The following KLC1 variants were observed in gnomAD, a reference collection of about 807,000 sequenced individuals.
KLC1 encodes the protein kinesin light chain 1.
A neutral mutation model predicts 84.2 loss-of-function variants in KLC1; 30 were observed. The ratio of observed to expected loss-of-function variants is 0.36; its 90% CI spans 0.27 to 0.48. The LOEUF is 0.48. KLC1 is among the 20% of genes least tolerant of loss of function. The probability of loss-of-function intolerance (pLI) is 0.99; values close to 1 mark genes in which losing one functional copy is unlikely to be tolerated. For missense variants in KLC1, 499 were observed against 805.4 expected, an observed-to-expected ratio of 0.62 and a Z score of 4.60; for synonymous variants, 289 against 293.3, an observed-to-expected ratio of 0.99 and a Z score of 0.15.
chr14:103,636,672 T>C (rs2077066914), intron 1 of KLC1, among the ~76,000 whole-genome samples: 1 of 152,156 alleles, frequency 6.6e-6, no homozygotes, highest in Non-Finnish European at 1.5e-5. Flanking sequence ...TTCAAGACTT[T>C]TGCCCATTTA....
Position 103,670,212 on chromosome 14 carries a change from C to T in KLC1, c.916C>T (p.Leu306Phe). The T allele has an allele frequency of 6.2e-7, 1 of 1,613,334 alleles. No individual in the cohort carries two copies. The highest frequency in any genetic ancestry group is 1.3e-5 in the African/African-American group (1 of 74,962). ...VAATLNNLAV[L>F]YGKRGKYKEA... ...GGCGACTTTGAATAACCTTGCAGTCCTTTATGGTAAAAGAGGGAAGTACAA... is the reference window on the plus strand; with the variant it reads ...GGCGACTTTGAATAACCTTGCAGTCTTTTATGGTAAAAGAGGGAAGTACAA... The change falls in exon 7 of 17, where the codon CTT becomes TTT. Residue 306 changes from leucine (L) to phenylalanine (F), a missense_variant. Leu to Phe is a conservative substitution (Grantham distance 22). Transcript: ENST00000334553.
At chr14:103,681,363 G>A (rs1008592525) in intron 13 of KLC1, among the ~76,000 whole-genome samples, 2 of 152,198 alleles carry the variant, frequency 1.3e-5, no homozygotes, top group African/African-American at 2.4e-5. Flanking sequence ...CTGCCTCAGA[G>A]TCTTCAGAGG....
rs145842133 is a variant in KLC1 at position 103,649,380 on chromosome 14, T to C, written c.-1-5184T>C. ...TAAAATAAAAATAACAATTATAGGGTTTTTTTGGTCTTCATTATGTTAGGT... is the reference window on the plus strand; with the variant it reads ...TAAAATAAAAATAACAATTATAGGGCTTTTTTGGTCTTCATTATGTTAGGT... On this transcript the variant is annotated intron_variant, in intron 1 of 16. Coordinates refer to ENST00000334553, the MANE Select transcript of KLC1 (RefSeq NM_001394837.1). Among the ~76,000 whole-genome samples the C allele has an allele frequency of 6.1e-3, 928 of 151,650 alleles. 9 individuals carry two copies. Among genetic ancestry groups the C allele is most frequent in the African/African-American group, 0.022 (893 of 41,360 alleles).
At chr14:103,652,671 T>C (rs1261182480) in intron 1 of KLC1, among the ~76,000 whole-genome samples, 3 of 152,212 alleles carry the variant, frequency 2.0e-5, no homozygotes, top group Non-Finnish European at 4.4e-5. Context: ...TTTGTATTTT[T>C]AGTAGAGACG....
intron 15 of KLC1, chr14:103,700,338 C>G: frequency 3.2e-6 from 1 of 315,596 alleles, no homozygotes; most frequent in Non-Finnish European, 5.9e-6. Context: ...CAGGTGTCCT[C>G]GGCCTCCCTC....
chr14:103,648,513 TG>T (rs2078132854), intron 1 of KLC1, among the ~76,000 whole-genome samples: 1 of 152,144 alleles, frequency 6.6e-6, no homozygotes, highest in Admixed American at 6.6e-5. Flanking sequence ...CCTGGCATGG[TG>T]GCTCATGCCT....
chr14:103,699,389 T>C, intron 15 of KLC1: 1 of 1,611,026 alleles, frequency 6.2e-7, no homozygotes. Context: ...CACAGGGCTC[T>C]GGAAGGCACT....
intron 1 of KLC1, among the ~76,000 whole-genome samples, chr14:103,632,887 A>G (rs2076791887): frequency 6.6e-6 from 1 of 151,788 alleles, no homozygotes; most frequent in South Asian, 2.1e-4. Context: ...CAGGGGTGGG[A>G]TTGGGATTGG....
rs764590636 is a variant in KLC1, at chr14:103,669,503, C to T, written c.798-8C>T. ...TCTGAAACACTTAATGTGTGTTTTT[C>T]CATTTAGGGATCAGAATAAATACAA... On this transcript the variant is annotated splice_region_variant and splice_polypyrimidine_tract_variant and intron_variant, in intron 5 of 16. Transcript: ENST00000334553. 3.5e-5 allele frequency: 54 copies of T among 1,537,890 alleles called. 1 individual carries two copies. The African/African-American group carries it at 5.6e-4, about 16-fold the overall frequency.
chr14:103,679,230 C>T, intron 12 of KLC1, 154 bp from the exon 13 acceptor site: 1 of 972,038 alleles, frequency 1.0e-6, no homozygotes, highest in Non-Finnish European at 1.5e-6. Context: ...CCGCCTCCAC[C>T]CTCACCCCCT....
intron 4 of KLC1, 74 bp downstream of exon 4, chr14:103,662,268 A>G (rs938859490): frequency 8.1e-6 from 10 of 1,231,002 alleles, no homozygotes; most frequent in Non-Finnish European, 1.2e-5. Flanking sequence ...GGTCATAGCA[A>G]TCAGTGGCAG....
At position 103,670,250 on chromosome 14, in the gene KLC1, G is replaced by A. The variant is rs561466928; in HGVS notation, c.954G>A (p.Pro318=). The part of the protein sequence containing the change: ...GKRGKYKEAE[P]LCKRALEIRE... ...GAGGGAAGTACAAAGAAGCAGAGCC[G>A]TTGTGTAAAAGAGCTCTGGAAATCC... The change falls in exon 7 of 17, where the codon CCG becomes CCA. Residue 318 remains proline (P), a synonymous_variant. Transcript: ENST00000334553. 2.1e-5 allele frequency: 34 copies of A among 1,612,630 alleles called. No homozygotes were observed. Among genetic ancestry groups the A allele is most frequent in the African/African-American group, 2.7e-5 (2 of 74,936 alleles).
At chr14:103,685,393 C>T (rs986187713) in intron 13 of KLC1, 20 of 1,201,544 alleles carry the variant, frequency 1.7e-5, no homozygotes, top group Non-Finnish European at 2.1e-5. Flanking sequence ...AAAGTGTTGA[C>T]ATTTACTTTG....
chr14:103,637,285 A>G (rs2077118336), intron 1 of KLC1, among the ~76,000 whole-genome samples: 1 of 152,038 alleles, frequency 6.6e-6, no homozygotes, highest in Admixed American at 6.6e-5. Context: ...TAATCCCAGC[A>G]CTTTCGGAGG....
In KLC1 at chr14:103,693,778, G is replaced by A; in HGVS notation, c.1848+1353G>A. 2.1e-6 allele frequency: 3 copies of A among 1,421,978 alleles called. No individual in the cohort carries two copies. The highest frequency in any genetic ancestry group is 1.4e-5 in the African/African-American group (1 of 69,288). The allele number at this position is 1,421,978 out of a possible 1,614,324, so 88.1% of individuals were successfully genotyped here. A position where few individuals can be genotyped will look rare whatever the true frequency, so the allele number is the denominator to read the frequency against. ...GGAGGTGCCTTTTCAAAACACCCGG[G>A]AGGCCGTGCCTCAGCATTCTGTTAC... On this transcript the variant is annotated intron_variant, in intron 15 of 16. Transcript: ENST00000334553. This position sits in a 1 kb window ranked among gnomAD's most constrained non-coding sequence, Gnocchi z 5.1.
chr14:103,647,045 A>G (rs1211763576), intron 1 of KLC1, among the ~76,000 whole-genome samples: 1 of 152,132 alleles, frequency 6.6e-6, no homozygotes, highest in Non-Finnish European at 1.5e-5. Flanking sequence ...TGTAGTCTGT[A>G]TATTAGGTTT....
intron 1 of KLC1, among the ~76,000 whole-genome samples, chr14:103,633,300 G>A (rs992439006): frequency 1.8e-4 from 28 of 151,914 alleles, no homozygotes; most frequent in African/African-American, 6.0e-4. Context: ...CTCGTGATCC[G>A]CCCGCCTTGG....
At chr14:103,700,363 G>A in intron 15 of KLC1, 1 of 380,954 alleles carries the variant, frequency 2.6e-6, no homozygotes, top group Non-Finnish European at 4.7e-6. Context: ...TGCTGCCGTG[G>A]CCTGTGGGTG....
chr14:103,698,849 G>A (rs1317337091), intron 15 of KLC1: 15 of 1,607,472 alleles, frequency 9.3e-6, no homozygotes, highest in African/African-American at 1.3e-5. Context: ...CACTGATCGT[G>A]TAGGAACAGG....
Sources: allele counts gnomAD v4.1 joint callset (sites outside exome capture counted in the v4.1 genomes callset), GRCh38; gene constraint gnomAD v4.1.1; non-coding constraint Gnocchi (gnomAD v3.1); transcripts MANE v1.5; gene names NCBI Gene and HGNC (gene_info 2026-07-23, HGNC 2026-07-21).